The following SNX14 variants were observed in gnomAD, a reference collection of about 807,000 sequenced individuals.
SNX14 encodes sorting nexin-14.
SNX14 carries 93 observed loss-of-function variants against 133.8 expected under a neutral mutation model. That is an observed-to-expected ratio of 0.70 (90% confidence interval 0.59 to 0.83). SNX14 has a LOEUF of 0.83. Among genes scored for constraint, SNX14 ranks in the 40% least tolerant of loss-of-function variants. SNX14 has a pLI of 0.00. For synonymous variants in SNX14, 368 were observed against 365.6 expected (o/e 1.01, Z -0.07); for missense variants, 945 against 1,094.9 (o/e 0.86, Z 1.93).
At chr6:85,575,222 G>T (rs192975165) in intron 1 of SNX14, among the ~76,000 whole-genome samples, 1 of 152,300 alleles carries the variant, frequency 6.6e-6, no homozygotes, top group South Asian at 2.1e-4. Flanking sequence ...ACATTGCACA[G>T]TTCTGATATG....
chr6:85,524,354 A>T (rs577210810), intron 21 of SNX14, among the ~76,000 whole-genome samples: 10 of 152,144 alleles, frequency 6.6e-5, no homozygotes, highest in Non-Finnish European at 1.3e-4. Flanking sequence ...GTAGGATGAA[A>T]ATGTAGTGAT....
At chr6:85,572,535 T>C (rs1250330612) in intron 2 of SNX14, among the ~76,000 whole-genome samples, 161 bp from the exon 3 acceptor site, 1 of 149,800 alleles carries the variant, frequency 6.7e-6, no homozygotes, top group Non-Finnish European at 1.5e-5. Flanking sequence ...TACATAATAC[T>C]GGCTAAACTA....
chr6:85,555,433 T>C (rs984555724), intron 7 of SNX14, among the ~76,000 whole-genome samples: 2 of 152,152 alleles, frequency 1.3e-5, no homozygotes, highest in East Asian at 1.9e-4. Flanking sequence ...TATGAAAAGA[T>C]AGAGGTTAAA....
rs768059492 is a variant in SNX14 at position 85,543,672 on chromosome 6, T to A, written c.1197A>T (p.Thr399=). ...TGTCAATACTTTCATCCAAACAGTA[T>A]GTTTTATAAATCTTCTGCAATTCTT... ...LHEELQKIYK[T]YCLDESIDKI... is the part of the protein sequence containing the mutation. Residue 399 remains threonine, a synonymous_variant, in exon 13 of 29, where the codon ACA becomes ACT. Coordinates refer to ENST00000314673, the MANE Select transcript of SNX14 (RefSeq NM_153816.6). The A allele has an allele frequency of 6.3e-7, 1 of 1,588,296 alleles. No individual in the cohort carries two copies.
Position 85,574,258 on chromosome 6 carries a change from C to T in SNX14, c.261G>A (p.Lys87=). 6 of 1,572,422 alleles carry T rather than the reference C, an allele frequency of 3.8e-6. No homozygotes were observed. Among genetic ancestry groups the T allele is most frequent in the Non-Finnish European group, 4.3e-6 (5 of 1,153,216 alleles). Residue 87 remains lysine, a splice_region_variant and synonymous_variant, in exon 2 of 29, where the codon AAG becomes AAA. Coordinates refer to ENST00000314673, the MANE Select transcript of SNX14 (RefSeq NM_153816.6). ...TAACAATAAGAACACATAATTTTAC[C>T]TTGGGTTTGTATTTTATTGTGAAGA... is the stretch of plus-strand genomic sequence containing the variant. ...NIFFTIKYKP[K]QLGLQELFPQ... is the part of the protein sequence containing the mutation.
At chr6:85,562,662 T>C (rs1307216765) in intron 6 of SNX14, among the ~76,000 whole-genome samples, 2 of 143,126 alleles carry the variant, frequency 1.4e-5, no homozygotes, top group Non-Finnish European at 3.0e-5. Context: ...TGATCTCGGC[T>C]CACTGTAACT....
intron 21 of SNX14, among the ~76,000 whole-genome samples, 183 bp from the exon 22 acceptor site, chr6:85,518,231 T>C (rs1775711425): frequency 6.6e-6 from 1 of 152,162 alleles, no homozygotes; most frequent in Non-Finnish European, 1.5e-5. Context: ...GAAATATTTA[T>C]AGATAGAATA....
chr6:85,514,265 G>A lies in SNX14; in HGVS notation c.2393-31C>T. On this transcript the variant is annotated intron_variant, in intron 24 of 28. Coordinates refer to ENST00000314673, the MANE Select transcript of SNX14 (RefSeq NM_153816.6). ...AAAGGATCAAATGGGATACCTCATTGTTCCAGATGAATTGGTATTTTTGAA... is the reference window on the plus strand; with the variant it reads ...AAAGGATCAAATGGGATACCTCATTATTCCAGATGAATTGGTATTTTTGAA... The A allele has an allele frequency of 2.5e-6, 4 of 1,574,510 alleles. No homozygotes were observed. In the East Asian group the frequency reaches 6.7e-5, roughly 26 times the overall value.
chr6:85,528,238 GAATT>G lies in SNX14; in HGVS notation c.1995+20_1995+23del, dbSNP rs760064519. ...AGAATGCTATGATTAGCAACATTTG[GAATT>G]AATACAGTTGATGTTATACCTGTAG... On this transcript the variant is annotated intron_variant, in intron 20 of 28. Coordinates refer to ENST00000314673, the MANE Select transcript of SNX14 (RefSeq NM_153816.6). The G allele has an allele frequency of 1.8e-4, 279 of 1,519,562 alleles. No individual in the cohort carries two copies. The African/African-American group carries it at 3.4e-3, about 18-fold the overall frequency. 94.1% of individuals were successfully genotyped at this position (1,519,562 alleles called of 1,614,324 possible). A position where few individuals can be genotyped will look rare whatever the true frequency, so the allele number is the denominator to read the frequency against.
rs180843615 is a variant in SNX14 at position 85,538,491 on chromosome 6, A to T, written c.1475+347T>A. Among the ~76,000 whole-genome samples the T allele has an allele frequency of 1.8e-3, 275 of 152,228 alleles. 4 individuals are homozygous for T. The highest frequency in any genetic ancestry group is 6.4e-3 in the African/African-American group (264 of 41,570). ...AATACAGAAACATCATACTTATTTT[A>T]AAAAAAGTTCTTTAAACATAGTTCT... On this transcript the variant is annotated intron_variant, in intron 16 of 28. Coordinates refer to ENST00000314673, the MANE Select transcript of SNX14 (RefSeq NM_153816.6).
intron 21 of SNX14, among the ~76,000 whole-genome samples, chr6:85,521,126 A>C (rs1467636958): frequency 6.6e-6 from 1 of 152,232 alleles, no homozygotes; most frequent in Non-Finnish European, 1.5e-5. Flanking sequence ...ACTTTGGTGA[A>C]TGCGGTGTTT....
In SNX14 at chr6:85,543,748, T is replaced by C; in HGVS notation, c.1121A>G (p.Asp374Gly). Reference sequence around the variant, plus strand: ...TGATAATTCTGGTCGTAAAATTCTATCATTAAATTCCTCTAACAAATGAGG... The same window carrying C: ...TGATAATTCTGGTCGTAAAATTCTACCATTAAATTCCTCTAACAAATGAGG... ...QFCLTVEEFN[D>G]RILRPELSND... is the part of the protein sequence containing the mutation. Residue 374 changes from aspartate (D) to glycine (G), a missense_variant, in exon 13 of 29, where the codon GAT becomes GGT. Physicochemically the swap from Asp to Gly is moderately conservative, Grantham distance 94. Coordinates refer to ENST00000314673, the MANE Select transcript of SNX14 (RefSeq NM_153816.6). 6.5e-7 allele frequency: 1 copy of C among 1,548,030 alleles called. No homozygotes were observed. Among genetic ancestry groups the C allele is most frequent in the South Asian group, 1.3e-5 (1 of 76,942 alleles).
rs777427563 is a variant in SNX14 at position 85,574,110 on chromosome 6, TA to T, written c.261+147del. 94 of 433,602 alleles carry T rather than the reference TA, an allele frequency of 2.2e-4. 1 individual carries two copies. The African/African-American group carries it at 3.4e-3, about 16-fold the overall frequency. The allele number at this position is 433,602 out of a possible 1,614,324, so 26.9% of individuals were successfully genotyped here. A position where few individuals can be genotyped will look rare whatever the true frequency, so the allele number is the denominator to read the frequency against. On this transcript the variant is annotated intron_variant, in intron 2 of 28. Coordinates refer to ENST00000314673, the MANE Select transcript of SNX14 (RefSeq NM_153816.6). ...AAATCACTGCTTTTAGCAGAGTACC[TA>T]AAAAAAACAAAAAAAAAAAAGAGAA...
intron 26 of SNX14, chr6:85,508,340 ATC>A: frequency 9.6e-7 from 1 of 1,039,032 alleles, no homozygotes; most frequent in Non-Finnish European, 1.2e-6. Context: ...AAAAAAAAAA[ATC>A]TGCTAGTTGG....
At chr6:85,539,639 T>A (rs1404470912) in intron 15 of SNX14, among the ~76,000 whole-genome samples, 1 of 152,064 alleles carries the variant, frequency 6.6e-6, no homozygotes, top group African/African-American at 2.4e-5. Context: ...GTTAAGAAAC[T>A]CTTTTAACTT....
At chr6:85,579,277 C>T (rs1290939326) in intron 1 of SNX14, among the ~76,000 whole-genome samples, 1 of 152,076 alleles carries the variant, frequency 6.6e-6, no homozygotes, top group Non-Finnish European at 1.5e-5. Context: ...CTGTTCACTA[C>T]AGAGATAACT....
At chr6:85,568,893 C>A (rs889484110) in intron 4 of SNX14, among the ~76,000 whole-genome samples, 2 of 152,086 alleles carry the variant, frequency 1.3e-5, no homozygotes, top group African/African-American at 4.8e-5. Flanking sequence ...AACATTTCTT[C>A]TTCCTTTATT....
At chr6:85,579,127 G>T (rs1358563065) in intron 1 of SNX14, among the ~76,000 whole-genome samples, 1 of 151,888 alleles carries the variant, frequency 6.6e-6, no homozygotes, top group Non-Finnish European at 1.5e-5. Flanking sequence ...GACAGAATGG[G>T]ACTCCGTCTA....
intron 26 of SNX14, among the ~76,000 whole-genome samples, chr6:85,512,847 T>G (rs1056649682): frequency 6.6e-6 from 1 of 152,200 alleles, no homozygotes; most frequent in Non-Finnish European, 1.5e-5. Context: ...CCGTATGACC[T>G]CACTCTCTGG....
Sources: allele counts gnomAD v4.1 joint callset (sites outside exome capture counted in the v4.1 genomes callset), GRCh38; gene constraint gnomAD v4.1.1; transcripts MANE v1.5; gene names NCBI Gene and HGNC (gene_info 2026-07-23, HGNC 2026-07-21).